Variants in CA10 observed in about 807,000 individuals in gnomAD.
CA10 encodes carbonic anhydrase 10 (inactive).
Under a neutral mutation model 44.2 loss-of-function variants are expected in CA10, and 14 were observed. That is an observed-to-expected ratio of 0.32 (90% CI 0.21 to 0.50). CA10 has a LOEUF of 0.50. CA10 is among the 20% of genes least tolerant of loss of function. CA10 has a pLI of 0.99. For synonymous variants in CA10, 159 were observed against 141.6 expected, an observed-to-expected ratio of 1.12 and a Z score of -0.87; for missense variants, 350 against 409.7, an observed-to-expected ratio of 0.85 and a Z score of 1.26.
At position 51,836,977 on chromosome 17, in the gene CA10, G is replaced by A. The variant is rs141290121; in HGVS notation, c.280-89159C>T. 2.0e-5 allele frequency among the ~76,000 whole-genome samples: 3 copies of A among 152,258 alleles called. No individual in the cohort carries two copies. In the East Asian group the frequency reaches 5.8e-4, roughly 29 times the overall value. On this transcript the variant is annotated intron_variant, in intron 3 of 8. Coordinates refer to ENST00000451037, the MANE Select transcript of CA10 (RefSeq NM_020178.5). Reference sequence around the variant, plus strand: ...TAAGGAGTAATGAAGGAGGGAAAGGGGGTGTAAGGCTGGGGAGAAAGAAGG... The same window carrying A: ...TAAGGAGTAATGAAGGAGGGAAAGGAGGTGTAAGGCTGGGGAGAAAGAAGG...
intron 3 of CA10, among the ~76,000 whole-genome samples, chr17:51,928,252 T>C (rs1490978336): frequency 6.6e-6 from 1 of 152,074 alleles, no homozygotes; most frequent in Non-Finnish European, 1.5e-5. Flanking sequence ...TGAAACACAG[T>C]TTGAACTGCA....
intron 2 of CA10, among the ~76,000 whole-genome samples, chr17:51,984,470 A>G (rs1984759479): frequency 6.6e-6 from 1 of 151,898 alleles, no homozygotes; most frequent in Non-Finnish European, 1.5e-5. Context: ...AGAACAAACC[A>G]AACCCAAACC....
At chr17:51,735,544 G>T (rs896465858) in intron 4 of CA10, among the ~76,000 whole-genome samples, 20 of 94,970 alleles carry the variant, frequency 2.1e-4, no homozygotes, top group Admixed American at 1.5e-3. Flanking sequence ...TAAAATAAAA[G>T]TTGAAATTAT....
At chr17:52,029,742 A>C (rs1469466105) in intron 2 of CA10, among the ~76,000 whole-genome samples, 1 of 152,218 alleles carries the variant, frequency 6.6e-6, no homozygotes, top group African/African-American at 2.4e-5. Flanking sequence ...CAAGAAAAGA[A>C]AAGAAATTAA....
intron 1 of CA10, among the ~76,000 whole-genome samples, chr17:52,104,696 A>G (rs1988619800): frequency 6.6e-6 from 1 of 152,134 alleles, no homozygotes; most frequent in Non-Finnish European, 1.5e-5. Flanking sequence ...CCACGGCACA[A>G]CAAGTGAAGC....
chr17:51,913,911 A>G lies in CA10; in HGVS notation c.279+17079T>C, dbSNP rs539092702. Among the ~76,000 whole-genome samples the G allele has an allele frequency of 9.2e-5, 14 of 152,204 alleles. No homozygotes were observed. In the South Asian group the frequency reaches 2.9e-3, roughly 32 times the overall value. On this transcript the variant is annotated intron_variant, in intron 3 of 8. Transcript: ENST00000451037. ...AAGCACAAATCTTAAATTTCCATCTATTACCATTATTATTATCCACAGAGA... is the reference window on the plus strand; with the variant it reads ...AAGCACAAATCTTAAATTTCCATCTGTTACCATTATTATTATCCACAGAGA...
At chr17:52,124,365 AT>A in intron 1 of CA10, among the ~76,000 whole-genome samples, 1 of 152,290 alleles carries the variant, frequency 6.6e-6, no homozygotes, top group African/African-American at 2.4e-5. Context: ...ATGACCTCAG[AT>A]TTCAGTAAGT....
intron 2 of CA10, among the ~76,000 whole-genome samples, chr17:51,983,272 G>A (rs1647286593): frequency 6.6e-6 from 1 of 151,670 alleles, no homozygotes; most frequent in Admixed American, 6.6e-5. Flanking sequence ...CCTATCTAGG[G>A]CATTCATAAC....
chr17:52,145,590 T>G (rs531780388), intron 1 of CA10, among the ~76,000 whole-genome samples: 17 of 152,348 alleles, frequency 1.1e-4, no homozygotes, highest in African/African-American at 2.6e-4. Flanking sequence ...CTTAAAATTC[T>G]AGACCTAGAA....
rs1906849714 is a variant in CA10, at chr17:51,799,620, A to C, written c.280-51802T>G. ...ATGTGGCAAAGAGTATGAAAATAGAATACAGTAAATAATTAGGGCCTTTGA... is the reference window on the plus strand; with the variant it reads ...ATGTGGCAAAGAGTATGAAAATAGACTACAGTAAATAATTAGGGCCTTTGA... On this transcript the variant is annotated intron_variant, in intron 3 of 8. Transcript: ENST00000451037. Among the ~76,000 whole-genome samples the C allele has an allele frequency of 2.0e-5, 3 of 152,224 alleles. No homozygotes were observed. In the South Asian group the frequency reaches 6.2e-4, roughly 32 times the overall value.
At chr17:52,132,862 C>T (rs1357089904) in intron 1 of CA10, among the ~76,000 whole-genome samples, 1 of 152,104 alleles carries the variant, frequency 6.6e-6, no homozygotes, top group Non-Finnish European at 1.5e-5. Flanking sequence ...GGTGACATCT[C>T]GTGGCTCAAC....
intron 2 of CA10, among the ~76,000 whole-genome samples, chr17:51,979,953 T>C (rs1341350215): frequency 6.6e-6 from 1 of 152,156 alleles, no homozygotes; most frequent in Non-Finnish European, 1.5e-5. Context: ...TCCAAGTCTT[T>C]GCTTCTTTGC....
chr17:52,042,132 T>C (rs1486235605), intron 2 of CA10, among the ~76,000 whole-genome samples: 1 of 152,064 alleles, frequency 6.6e-6, no homozygotes, highest in Non-Finnish European at 1.5e-5. Flanking sequence ...AGCAGGATCA[T>C]ACAGTAGTTC....
At chr17:51,654,655 C>T (rs956534898) in intron 4 of CA10, among the ~76,000 whole-genome samples, 3 of 151,880 alleles carry the variant, frequency 2.0e-5, no homozygotes, top group Non-Finnish European at 4.4e-5. Flanking sequence ...CTCCCAGGTT[C>T]AAGTGATTGT....
intron 7 of CA10, among the ~76,000 whole-genome samples, chr17:51,634,030 G>T (rs1912714566): frequency 6.6e-6 from 1 of 152,224 alleles, no homozygotes; most frequent in Admixed American, 6.5e-5. Flanking sequence ...GGATCATAGT[G>T]ATTGGTCCAT....
intron 2 of CA10, among the ~76,000 whole-genome samples, chr17:51,965,564 C>A (rs1209397343): frequency 6.6e-6 from 1 of 151,998 alleles, no homozygotes; most frequent in Non-Finnish European, 1.5e-5. Context: ...ATACACAAAT[C>A]AATACATGTA....
intron 4 of CA10, among the ~76,000 whole-genome samples, chr17:51,735,313 G>C (rs1476222550): frequency 6.6e-6 from 1 of 152,110 alleles, no homozygotes; most frequent in Non-Finnish European, 1.5e-5. Flanking sequence ...AATACTGCCT[G>C]TTCTCACTCA....
intron 2 of CA10, among the ~76,000 whole-genome samples, chr17:52,052,948 TGTGAGTGTGA>T (rs1302390716): frequency 6.6e-6 from 1 of 151,934 alleles, no homozygotes; most frequent in African/African-American, 2.4e-5. Flanking sequence ...AGAGAGTGTG[TGTGAGTGTGA>T]GTGATGTGTG....
chr17:51,983,640 T>A (rs1984729418), intron 2 of CA10, among the ~76,000 whole-genome samples: 1 of 151,722 alleles, frequency 6.6e-6, no homozygotes, highest in Non-Finnish European at 1.5e-5. Flanking sequence ...TTTAAAGTCA[T>A]ATACAAAAGC....
Sources: gnomAD v4.1 joint callset for allele counts (sites outside exome capture counted in the v4.1 genomes callset) on GRCh38, gnomAD v4.1.1 for gene constraint, MANE v1.5 for transcripts, NCBI Gene and HGNC (gene_info 2026-07-23, HGNC 2026-07-21) for gene names.